Variants in ARHGAP12 observed in about 807,000 individuals in gnomAD.
The protein encoded by ARHGAP12 is rho GTPase-activating protein 12.
ARHGAP12 carries 64 observed loss-of-function variants against 108.6 expected under a neutral mutation model. That is an observed-to-expected ratio of 0.59 (90% CI 0.48 to 0.73). The LOEUF (loss-of-function observed/expected upper bound fraction) is 0.73. Among genes scored for constraint, ARHGAP12 ranks in the 30% least tolerant of loss-of-function variants. The pLI is 0.00. For missense variants in ARHGAP12, 940 were observed against 1,005.9 expected, an observed-to-expected ratio of 0.93 and a Z score of 0.89; for synonymous variants, 312 against 337.2, an observed-to-expected ratio of 0.93 and a Z score of 0.82.
intron 3 of ARHGAP12, among the ~76,000 whole-genome samples, chr10:31,903,734 TAA>T (rs1026660481): frequency 7.1e-6 from 1 of 141,242 alleles, no homozygotes. Flanking sequence ...CTAAACTATG[TAA>T]AAAAAAAAAC....
intron 1 of ARHGAP12, among the ~76,000 whole-genome samples, chr10:31,915,078 T>G (rs1839497854): frequency 6.6e-6 from 1 of 152,114 alleles, no homozygotes; most frequent in African/African-American, 2.4e-5. Flanking sequence ...ATGTGGAATC[T>G]AAAAATATTG....
At chr10:31,909,557 T>C (rs1221770418) in intron 2 of ARHGAP12, among the ~76,000 whole-genome samples, 1 of 152,214 alleles carries the variant, frequency 6.6e-6, no homozygotes, top group Non-Finnish European at 1.5e-5. Flanking sequence ...CAAGGTCATA[T>C]TTGATTAGGG....
intron 13 of ARHGAP12, among the ~76,000 whole-genome samples, chr10:31,816,688 G>C (rs1835217537): frequency 3.3e-5 from 5 of 152,148 alleles, no homozygotes; most frequent in Admixed American, 3.3e-4. Context: ...TAGGGGATTA[G>C]AAAATTGACA....
chr10:31,925,317 AT>A (rs1839989044), intron 1 of ARHGAP12, among the ~76,000 whole-genome samples: 1 of 152,232 alleles, frequency 6.6e-6, no homozygotes, highest in Non-Finnish European at 1.5e-5. Flanking sequence ...TTAGTGAGCA[AT>A]GGAATAATCT....
At chr10:31,813,789 A>G (rs960966720) in intron 14 of ARHGAP12, among the ~76,000 whole-genome samples, 1 of 152,218 alleles carries the variant, frequency 6.6e-6, no homozygotes, top group Non-Finnish European at 1.5e-5. Flanking sequence ...CTGTAGTAAG[A>G]TCTGGAGATA....
intron 3 of ARHGAP12, among the ~76,000 whole-genome samples, chr10:31,887,189 A>G (rs1467996920): frequency 6.6e-6 from 1 of 152,224 alleles, no homozygotes; most frequent in Non-Finnish European, 1.5e-5. Context: ...GAAGTGTTGC[A>G]GTTTGAGTCC....
chr10:31,830,078 CA>C (rs1319648427), intron 10 of ARHGAP12, among the ~76,000 whole-genome samples: 11 of 151,824 alleles, frequency 7.2e-5, no homozygotes, highest in Non-Finnish European at 1.6e-4. Context: ...AGTTTTTCTT[CA>C]AAAAAATATT....
chr10:31,810,860 C>T (rs1834991304), intron 15 of ARHGAP12, 113 bp from the exon 16 acceptor site: 2 of 777,534 alleles, frequency 2.6e-6, no homozygotes, highest in African/African-American at 3.5e-5. Flanking sequence ...TATTGTTTAA[C>T]ATGGCCCTAT....
At chr10:31,882,161 G>A (rs974654680) in intron 3 of ARHGAP12, among the ~76,000 whole-genome samples, 5 of 152,062 alleles carry the variant, frequency 3.3e-5, no homozygotes, top group East Asian at 1.9e-4. Flanking sequence ...TGATCCGCCC[G>A]CCTCGGCCTC....
At chr10:31,896,769 G>A (rs963916888) in intron 3 of ARHGAP12, among the ~76,000 whole-genome samples, 1 of 152,160 alleles carries the variant, frequency 6.6e-6, no homozygotes, top group Non-Finnish European at 1.5e-5. Context: ...GCTCAGACAT[G>A]TAACAAGCTT....
At position 31,807,684 on chromosome 10, in the gene ARHGAP12, C is replaced by G. The variant is rs1239952286; in HGVS notation, c.2515G>C (p.Glu839Gln). 8.7e-6 allele frequency: 14 copies of G among 1,603,000 alleles called. No individual in the cohort carries two copies. Among genetic ancestry groups the G allele is most frequent in the Non-Finnish European group, 1.2e-5 (14 of 1,176,782 alleles). Reference protein sequence around the residue: ...QNQIVELILLELSSIFGR With the variant: ...QNQIVELILLQLSSIFGR ...CAACGTCCGAAGATGGAACTCAGTT[C>G]CAGAAGAATTAATTCTACAATCTGA... The change falls in exon 20 of 20, where the codon GAA becomes CAA. Residue 839 changes from glutamate to glutamine, a missense_variant. Physicochemically the swap from Glu to Gln is conservative, Grantham distance 29. Coordinates refer to ENST00000344936, the MANE Select transcript of ARHGAP12 (RefSeq NM_018287.7).
intron 3 of ARHGAP12, among the ~76,000 whole-genome samples, chr10:31,902,547 A>G (rs1480943022): frequency 2.6e-5 from 4 of 152,096 alleles, no homozygotes; most frequent in Admixed American, 6.6e-5. Flanking sequence ...ATGGTGGCAC[A>G]TGCCTGTAGT....
At chr10:31,832,234 T>C (rs1835860995) in intron 9 of ARHGAP12, among the ~76,000 whole-genome samples, 2 of 152,192 alleles carry the variant, frequency 1.3e-5, no homozygotes, top group Admixed American at 6.5e-5. Context: ...TTTGTCAAAA[T>C]GTAAAAATAG....
intron 6 of ARHGAP12, among the ~76,000 whole-genome samples, chr10:31,846,730 T>C (rs1438267447): frequency 6.6e-6 from 1 of 152,088 alleles, no homozygotes; most frequent in Non-Finnish European, 1.5e-5. Context: ...CTGGTGTTTA[T>C]TCAGCTTCTT....
intron 7 of ARHGAP12, among the ~76,000 whole-genome samples, chr10:31,841,141 A>G (rs1836248324): frequency 6.6e-6 from 1 of 152,180 alleles, no homozygotes; most frequent in African/African-American, 2.4e-5. Context: ...AACTATTATA[A>G]ACAAGAAATA....
chr10:31,905,281 A>G (rs1839087035), intron 3 of ARHGAP12, among the ~76,000 whole-genome samples: 1 of 152,070 alleles, frequency 6.6e-6, no homozygotes, highest in Non-Finnish European at 1.5e-5. Context: ...TTGTTTTTAG[A>G]GACGAGGTCT....
chr10:31,878,176 T>A (rs1357771479), intron 3 of ARHGAP12, among the ~76,000 whole-genome samples: 2 of 150,360 alleles, frequency 1.3e-5, no homozygotes, highest in Non-Finnish European at 3.0e-5. Flanking sequence ...AAGGTAAAAG[T>A]ACCCTTCTTT....
chr10:31,917,073 G>C (rs1001064376), intron 1 of ARHGAP12, among the ~76,000 whole-genome samples: 1 of 152,096 alleles, frequency 6.6e-6, no homozygotes, highest in Admixed American at 6.6e-5. Flanking sequence ...ACTGAACTTC[G>C]CATCAAATCC....
rs1330778291 is a variant in ARHGAP12 at position 31,854,065 on chromosome 10, C to T, written c.1089+1G>A. On this transcript the variant is annotated splice_donor_variant, in intron 5 of 19. Transcript: ENST00000344936. LOFTEE classifies it high-confidence loss of function. ...CACTAGATGAGAAAAAAAGAATGTA[C>T]CTTTTCATTAGTATAGTCACTGGTA... 3 of 1,600,400 alleles carry T rather than the reference C, an allele frequency of 1.9e-6. No homozygotes were observed. The highest frequency in any genetic ancestry group is 2.6e-6 in the Non-Finnish European group (3 of 1,175,688).
Sources: allele counts gnomAD v4.1 joint callset (sites outside exome capture counted in the v4.1 genomes callset), GRCh38; gene constraint gnomAD v4.1.1; transcripts MANE v1.5; gene names NCBI Gene and HGNC (gene_info 2026-07-23, HGNC 2026-07-21).